The following STS variants were observed in gnomAD, a reference collection of about 807,000 sequenced individuals.
STS encodes the protein steryl-sulfatase.
A neutral mutation model predicts 26.8 loss-of-function variants in STS; 7 were observed. That is an observed-to-expected ratio of 0.26 (90% CI 0.15 to 0.49). The LOEUF (loss-of-function observed/expected upper bound fraction) is 0.49, where lower values mean the gene tolerates loss of function less well. Among genes scored for constraint, STS ranks in the 20% least tolerant of loss-of-function variants. STS has a pLI of 0.98. For missense variants in STS, 434 were observed against 465.6 expected (o/e 0.93, Z 0.63); for synonymous variants, 199 against 189.4 (o/e 1.05, Z -0.42).
intron 2 of STS, chrX:7,219,706 G>T (rs1921465252): frequency 8.3e-7 from 1 of 1,211,002 alleles, no homozygotes; most frequent in African/African-American, 1.7e-5. Context: ...TATTCCCCTG[G>T]CCAGGCTGGG....
chrX:7,252,088 C>A (rs1215032802), intron 2 of STS, among the ~76,000 whole-genome samples: 1 of 111,156 alleles, frequency 9.0e-6, no homozygotes, highest in Non-Finnish European at 1.9e-5. Context: ...CTGACTCCCC[C>A]ACCTAGAATA....
intron 8 of STS, among the ~76,000 whole-genome samples, chrX:7,318,222 C>T (rs1446056124): frequency 3.6e-5 from 4 of 111,672 alleles, no homozygotes; most frequent in African/African-American, 1.3e-4. Context: ...TGAAGCATCC[C>T]GTGTCCACCC....
intron 1 of STS, among the ~76,000 whole-genome samples, chrX:7,169,979 G>A (rs802900): frequency 0.32 from 34,959 of 109,516 alleles, 4,361 homozygotes; most frequent in Middle Eastern, 0.47. Flanking sequence ...TAAGAGGCAG[G>A]CCTTGTAAAC....
Position 7,354,584 on chromosome X carries a change from T to C in STS, c.*4323T>C, listed in dbSNP as rs1157616781. ...TTGCAAGATATCACTCAAGCCAGTGTTGCTTAATACCATCTCTTTGTGTAA... is the reference window on the plus strand; with the variant it reads ...TTGCAAGATATCACTCAAGCCAGTGCTGCTTAATACCATCTCTTTGTGTAA... On this transcript the variant is annotated 3_prime_UTR_variant, in exon 11 of 11. Transcript: ENST00000674429. 1 of 112,007 alleles carries C rather than the reference T, an allele frequency of 8.9e-6. No individual in the cohort carries two copies. Among genetic ancestry groups the C allele is most frequent in the Admixed American group, 9.5e-5 (1 of 10,483 alleles). 9.2% of individuals were successfully genotyped at this position (112,007 alleles called of 1,213,427 possible).
At chrX:7,265,796 A>G (rs770502043) in intron 6 of STS, among the ~76,000 whole-genome samples, 1 of 112,186 alleles carries the variant, frequency 8.9e-6, no homozygotes, top group South Asian at 3.8e-4. Context: ...TTTAAAGCAC[A>G]TTGTTACAAT....
chrX:7,307,660 G>A (rs1424818633), intron 8 of STS, among the ~76,000 whole-genome samples: 1 of 112,157 alleles, frequency 8.9e-6, no homozygotes, highest in Non-Finnish European at 1.9e-5. Flanking sequence ...CCTGATTTGC[G>A]ATTGGTTTAG....
At position 7,317,202 on chromosome X, in the gene STS, T is replaced by A. The variant is rs749293996; in HGVS notation, c.1082-8137T>A. 7.2e-5 allele frequency among the ~76,000 whole-genome samples: 8 copies of A among 111,690 alleles called. No individual in the cohort carries two copies. The East Asian group carries it at 2.0e-3, about 28-fold the overall frequency. On this transcript the variant is annotated intron_variant, in intron 8 of 10. Coordinates refer to ENST00000674429, the MANE Select transcript of STS (RefSeq NM_001320752.2). The stretch of plus-strand genomic sequence containing the variant: ...ATGTTAAAACTGTGAATTGGACAAT[T>A]ACTCTACAAAAAGTTAAACTTAGAC...
intron 7 of STS, among the ~76,000 whole-genome samples, chrX:7,289,781 A>G (rs889390715): frequency 9.0e-6 from 1 of 111,493 alleles, no homozygotes; most frequent in Non-Finnish European, 1.9e-5. Context: ...AGTAGCAGGG[A>G]CTATAAGCAT....
chrX:7,223,658 G>C (rs1371896794), intron 2 of STS, among the ~76,000 whole-genome samples: 1 of 109,693 alleles, frequency 9.1e-6, no homozygotes, highest in Non-Finnish European at 1.9e-5. Flanking sequence ...CTAGATATTA[G>C]CACTTTGTCA....
chrX:7,211,490 G>A (rs959980109), intron 2 of STS, among the ~76,000 whole-genome samples: 7 of 111,798 alleles, frequency 6.3e-5, no homozygotes, highest in African/African-American at 9.8e-5. Flanking sequence ...CATCATCACC[G>A]TCAGCTTCTT....
intron 7 of STS, among the ~76,000 whole-genome samples, chrX:7,296,369 A>G (rs1374267931): frequency 8.9e-6 from 1 of 112,412 alleles, no homozygotes; most frequent in African/African-American, 3.2e-5. Context: ...TCCAGGAAAT[A>G]CAATGGCATT....
At chrX:7,164,887 G>A (rs12847565) in intron 1 of STS, among the ~76,000 whole-genome samples, 2,406 of 107,552 alleles carry the variant, frequency 0.022, 28 homozygotes, top group Non-Finnish European at 0.037. Context: ...AGAGTCAGGT[G>A]TGGTGTCACA....
chrX:7,322,778 C>T (rs1281234180), intron 8 of STS, among the ~76,000 whole-genome samples: 1 of 111,941 alleles, frequency 8.9e-6, no homozygotes, highest in Non-Finnish European at 1.9e-5. Context: ...ACCCTGTGAA[C>T]ATCCATCTCA....
chrX:7,289,830 T>A (rs1392013488), intron 7 of STS, among the ~76,000 whole-genome samples: 1 of 111,476 alleles, frequency 9.0e-6, no homozygotes, highest in African/African-American at 3.3e-5. Context: ...TGTGTGTATG[T>A]ATTTTGTAGA....
At chrX:7,255,545 A>G (rs765937009) in intron 3 of STS, among the ~76,000 whole-genome samples, 164 of 112,210 alleles carry the variant, frequency 1.5e-3, no homozygotes, top group Non-Finnish European at 1.9e-3. Context: ...AAAAATGTCT[A>G]TAAAGCCCCA....
intron 10 of STS, among the ~76,000 whole-genome samples, chrX:7,335,701 G>T (rs754067945): frequency 8.9e-6 from 1 of 111,829 alleles, no homozygotes; most frequent in African/African-American, 3.2e-5. Flanking sequence ...TGTCCTGAAT[G>T]GTATTGCCTA....
intron 2 of STS, among the ~76,000 whole-genome samples, chrX:7,249,687 G>A (rs1923043655): frequency 8.9e-6 from 1 of 111,736 alleles, no homozygotes; most frequent in African/African-American, 3.3e-5. Flanking sequence ...GCCATAGGGA[G>A]TCCTGGGTGC....
chrX:7,246,259 A>G (rs1204334241), intron 2 of STS, among the ~76,000 whole-genome samples: 2 of 106,688 alleles, frequency 1.9e-5, no homozygotes, highest in Non-Finnish European at 3.8e-5. Context: ...GATTTGGGAG[A>G]GACTTTTTTT....
At chrX:7,256,689 C>G (rs1923424951) in intron 3 of STS, among the ~76,000 whole-genome samples, 1 of 111,737 alleles carries the variant, frequency 8.9e-6, no homozygotes, top group South Asian at 3.8e-4. Flanking sequence ...TATCCTATTT[C>G]AAAGACTTGG....
Sources: gnomAD v4.1 joint callset for allele counts (sites outside exome capture counted in the v4.1 genomes callset) on GRCh38, gnomAD v4.1.1 for gene constraint, MANE v1.5 for transcripts, NCBI Gene and HGNC (gene_info 2026-07-23, HGNC 2026-07-21) for gene names.